Variants in ST14 observed in about 807,000 individuals in gnomAD.
ST14 encodes the protein suppressor of tumorigenicity 14 protein.
Under a neutral mutation model 96.5 loss-of-function variants are expected in ST14, and 40 were observed. The ratio of observed to expected loss-of-function variants is 0.41; its 90% CI spans 0.32 to 0.54. ST14 has a LOEUF of 0.54. ST14 is among the 20% of genes least tolerant of loss of function. The pLI, the probability that ST14 is intolerant of heterozygous loss-of-function variation, is 0.17. For synonymous variants in ST14, 506 were observed against 492.1 expected (o/e 1.03, Z -0.37); for missense variants, 1,066 against 1,188.9 (o/e 0.90, Z 1.52).
At chr11:130,198,278 C>T (rs1953388788) in intron 12 of ST14, 30 bp from the exon 13 acceptor site, 1 of 1,600,680 alleles carries the variant, frequency 6.2e-7, no homozygotes, top group African/African-American at 1.3e-5. Flanking sequence ...ATGAGGGCCT[C>T]ACGGCCGACC....
intron 1 of ST14, among the ~76,000 whole-genome samples, chr11:130,165,637 G>A (rs1238388025): frequency 6.6e-6 from 1 of 152,200 alleles, no homozygotes; most frequent in African/African-American, 2.4e-5. Context: ...CGTTGGTGAT[G>A]CTGAGGTGGT....
intron 1 of ST14, among the ~76,000 whole-genome samples, chr11:130,167,219 T>A (rs528379682): frequency 3.6e-4 from 55 of 151,880 alleles, no homozygotes; most frequent in South Asian, 1.2e-3. Context: ...TCAAAAAAAA[T>A]TTTTTTTAAT....
At position 130,188,566 on chromosome 11, in the gene ST14, A is replaced by C. The variant is rs751956375; in HGVS notation, c.278A>C (p.Tyr93Ser). The C allele has an allele frequency of 7.4e-6, 12 of 1,614,238 alleles. No individual in the cohort carries two copies. In the South Asian group the frequency reaches 1.3e-4, roughly 18 times the overall value. The change falls in exon 3 of 19, where the codon TAC (tyrosine) becomes TCC (serine). Residue 93 changes from tyrosine to serine, a missense_variant. Physicochemically the swap from Tyr to Ser is moderately radical, Grantham distance 144 (BLOSUM62 -2). Coordinates refer to ENST00000278742, the MANE Select transcript of ST14 (RefSeq NM_021978.4). The surrounding 1 kb of genome is among the most constrained non-coding windows in gnomAD (Gnocchi z 5.4). ...DVRVQKVFNG[Y>S]MRITNENFVD... ...CGTGTCCAGAAGGTCTTCAATGGCTACATGAGGATCACAAATGAGAATTTT... is the reference window on the plus strand; with the variant it reads ...CGTGTCCAGAAGGTCTTCAATGGCTCCATGAGGATCACAAATGAGAATTTT...
Position 130,160,004 on chromosome 11 carries a change from G to A in ST14, c.25G>A (p.Gly9Ser). MGSDRARK[G>S]GGGPKDFGAG... ...CATGGGGAGCGATCGGGCCCGCAAG[G>A]GCGGAGGGGGCCCGAAGGACTTCGG... is the stretch of plus-strand genomic sequence containing the variant. Residue 9 changes from glycine (G) to serine (S), a missense_variant, in exon 1 of 19, where the codon GGC becomes AGC. By Grantham distance (56) the Gly-to-Ser change is moderately conservative. Coordinates refer to ENST00000278742, the MANE Select transcript of ST14 (RefSeq NM_021978.4). 3.5e-6 allele frequency: 5 copies of A among 1,424,072 alleles called. No homozygotes were observed. The highest frequency in any genetic ancestry group is 4.6e-6 in the Non-Finnish European group (5 of 1,080,068). 88.2% of individuals were successfully genotyped at this position (1,424,072 alleles called of 1,614,324 possible).
At chr11:130,177,019 C>CG (rs1025443183) in intron 1 of ST14, among the ~76,000 whole-genome samples, 3 of 150,966 alleles carry the variant, frequency 2.0e-5, no homozygotes, top group Non-Finnish European at 4.4e-5. Context: ...AAGATGATCT[C>CG]GATCTCCTGA....
chr11:130,164,427 T>G (rs376611063), intron 1 of ST14, among the ~76,000 whole-genome samples: 2 of 151,600 alleles, frequency 1.3e-5, no homozygotes, highest in Admixed American at 6.6e-5. Context: ...ATTACTGTTT[T>G]TTTTTTTTTT....
intron 1 of ST14, among the ~76,000 whole-genome samples, chr11:130,172,145 C>T (rs7937311): frequency 0.25 from 38,257 of 151,584 alleles, 8,948 homozygotes; most frequent in African/African-American, 0.62. Flanking sequence ...GACAGGGTCT[C>T]GCTCTGTTGC....
chr11:130,159,923 G>A lies in ST14; in HGVS notation c.-57G>A. On this transcript the variant is annotated 5_prime_UTR_variant, in exon 1 of 19. Coordinates refer to ENST00000278742, the MANE Select transcript of ST14 (RefSeq NM_021978.4). ...CGCGCCCCGCGCCCTGCGGGCCATG[G>A]GAGCCGGCCGCCGGCAGGGACGACG... 1 of 1,132,904 alleles carries A rather than the reference G, an allele frequency of 8.8e-7. No individual in the cohort carries two copies. Among genetic ancestry groups the A allele is most frequent in the Non-Finnish European group, 1.1e-6 (1 of 892,650 alleles). 70.2% of individuals were successfully genotyped at this position (1,132,904 alleles called of 1,614,324 possible).
chr11:130,206,843 C>A (rs1359171543), intron 16 of ST14, among the ~76,000 whole-genome samples: 2 of 152,142 alleles, frequency 1.3e-5, no homozygotes, highest in East Asian at 3.9e-4. Context: ...GCTTGGATTA[C>A]AGGAGTGAGC....
intron 1 of ST14, among the ~76,000 whole-genome samples, chr11:130,165,802 C>T (rs527763624): frequency 1.1e-4 from 17 of 152,258 alleles, no homozygotes; most frequent in South Asian, 2.1e-4. Flanking sequence ...AGTTCACAGA[C>T]GAGAATACTG....
intron 16 of ST14, among the ~76,000 whole-genome samples, chr11:130,202,153 A>G (rs1057222580): frequency 1.3e-5 from 2 of 152,206 alleles, no homozygotes; most frequent in Non-Finnish European, 2.9e-5. Context: ...CTGGGTGCAT[A>G]CTAAGAACTG....
intron 16 of ST14, among the ~76,000 whole-genome samples, chr11:130,201,197 G>A (rs1257617436): frequency 2.0e-5 from 3 of 152,258 alleles, no homozygotes; most frequent in Admixed American, 1.3e-4. Flanking sequence ...GCCGGGCTGC[G>A]CTATTTGTGT....
chr11:130,194,149 G>T lies in ST14; in HGVS notation c.876G>T (p.Gln292His), dbSNP rs140804297. 5 of 1,614,066 alleles carry T rather than the reference G, an allele frequency of 3.1e-6. No homozygotes were observed. In the African/African-American group the frequency reaches 6.7e-5, roughly 22 times the overall value. Residue 292 changes from glutamine to histidine, a missense_variant and splice_region_variant, in exon 8 of 19, where the codon CAG (glutamine) becomes CAT (histidine). Physicochemically the swap from Gln to His is conservative, Grantham distance 24 (BLOSUM62 0). Transcript: ENST00000278742. ...LSPMEPHALV[Q>H]LCGTYPPSYN... Reference sequence around the variant, plus strand: ...TAATGCCCGCCCTCTGCCCCCACAGGTTGTGTGGCACCTACCCTCCCTCCT... The same window carrying T: ...TAATGCCCGCCCTCTGCCCCCACAGTTTGTGTGGCACCTACCCTCCCTCCT...
rs368667435 is a variant in ST14, at chr11:130,163,926, C to T, written c.81+3866C>T. 5.9e-5 allele frequency among the ~76,000 whole-genome samples: 9 copies of T among 152,174 alleles called. No individual in the cohort carries two copies. In the East Asian group the frequency reaches 9.6e-4, roughly 16 times the overall value. On this transcript the variant is annotated intron_variant, in intron 1 of 18. Coordinates refer to ENST00000278742, the MANE Select transcript of ST14 (RefSeq NM_021978.4). ...GTTGTCACCGGCTGCGGAAGGAGAA[C>T]GAGTCACAGCTCCCTCCCCCTACCT...
intron 1 of ST14, among the ~76,000 whole-genome samples, chr11:130,161,410 T>C (rs1204122124): frequency 6.6e-6 from 1 of 152,196 alleles, no homozygotes; most frequent in Non-Finnish European, 1.5e-5. Context: ...TTGGAATTTG[T>C]TATTTCAGGG....
chr11:130,171,960 C>T (rs993225072), intron 1 of ST14, among the ~76,000 whole-genome samples: 5 of 152,194 alleles, frequency 3.3e-5, no homozygotes, highest in Middle Eastern at 3.2e-3. Flanking sequence ...GGCAGTCTGT[C>T]GGTTTCGTGG....
intron 1 of ST14, among the ~76,000 whole-genome samples, chr11:130,171,252 A>G (rs1303618959): frequency 6.6e-6 from 1 of 152,236 alleles, no homozygotes; most frequent in Admixed American, 6.5e-5. Flanking sequence ...ATCACCTTCC[A>G]AAGTTTCCTC....
chr11:130,207,684 A>G (rs1953502640), intron 16 of ST14, among the ~76,000 whole-genome samples: 1 of 152,264 alleles, frequency 6.6e-6, no homozygotes, highest in African/African-American at 2.4e-5. Flanking sequence ...AAGCTTCTGA[A>G]TTGCTAAACC....
intron 1 of ST14, among the ~76,000 whole-genome samples, chr11:130,170,716 G>A (rs545875703): frequency 9.2e-5 from 14 of 152,150 alleles, no homozygotes; most frequent in South Asian, 6.2e-4. Context: ...TAGAGCCAAC[G>A]TCAGAGTTGA....
Sources: allele counts gnomAD v4.1 joint callset (sites outside exome capture counted in the v4.1 genomes callset), GRCh38; gene constraint gnomAD v4.1.1; non-coding constraint Gnocchi (gnomAD v3.1); transcripts MANE v1.5; gene names NCBI Gene and HGNC (gene_info 2026-07-23, HGNC 2026-07-21).